The following PTER variants were observed in gnomAD, a reference collection of about 807,000 sequenced individuals.
PTER encodes phosphotriesterase related.
In PTER, 38 loss-of-function variants were observed where a neutral mutation model predicts 29.6. That is an observed-to-expected ratio of 1.28 (90% CI 0.99 to 1.68). The LOEUF (loss-of-function observed/expected upper bound fraction) is 1.68, where lower values mean the gene tolerates loss of function less well. PTER is among the 40% of genes most tolerant of loss of function. The pLI is 0.00. For synonymous variants in PTER, 172 were observed against 154.5 expected, an observed-to-expected ratio of 1.11 and a Z score of -0.84; for missense variants, 482 against 427.8, an observed-to-expected ratio of 1.13 and a Z score of -1.12.
intron 1 of PTER, among the ~76,000 whole-genome samples, chr10:16,465,015 C>T (rs570935488): frequency 6.6e-6 from 1 of 152,208 alleles, no homozygotes; most frequent in East Asian, 1.9e-4. Context: ...GAGACTTAAA[C>T]ACTATCACGA....
chr10:16,437,410 C>G (rs907986124), intron 1 of PTER: 10 of 151,532 alleles, frequency 6.6e-5, no homozygotes, highest in Admixed American at 4.6e-4. Context: ...GCGATCACAG[C>G]TCACTGCAGC....
chr10:16,500,540 A>G (rs542302178), intron 3 of PTER, among the ~76,000 whole-genome samples: 11 of 152,018 alleles, frequency 7.2e-5, no homozygotes, highest in East Asian at 3.9e-4. Flanking sequence ...GAGTGAGCCA[A>G]TGTGCCCGGC....
At chr10:16,501,370 T>G (rs10904754) in intron 3 of PTER, among the ~76,000 whole-genome samples, 1 of 39,548 alleles carries the variant, frequency 2.5e-5, no homozygotes, top group Non-Finnish European at 5.1e-5. Context: ...CACACACACA[T>G]GCACACACAC....
Position 16,484,459 on chromosome 10 carries a change from C to T in PTER, c.75C>T (p.Thr25=). 6.2e-7 allele frequency: 1 copy of T among 1,614,016 alleles called. No individual in the cohort carries two copies. The highest frequency in any genetic ancestry group is 8.5e-7 in the Non-Finnish European group (1 of 1,179,996). Residue 25 remains threonine, a synonymous_variant, in exon 2 of 5, where the codon ACC becomes ACT. Coordinates refer to ENST00000535784, the MANE Select transcript of PTER (RefSeq NM_001261836.2). ...VEPSKLGRTL[T]HEHLAMTFDC... Reference sequence around the variant, plus strand: ...CAAGCAAACTGGGCCGTACCCTGACCCATGAACACCTGGCCATGACCTTTG... The same window carrying T: ...CAAGCAAACTGGGCCGTACCCTGACTCATGAACACCTGGCCATGACCTTTG...
At chr10:16,456,862 T>TGGGG (rs10682284) in intron 1 of PTER, among the ~76,000 whole-genome samples, 5,606 of 112,648 alleles carry the variant, frequency 0.05, 248 homozygotes, top group Middle Eastern at 0.12. Flanking sequence ...ATGGGGAAGG[T>TGGGG]GGGGGGGGGT....
intron 1 of PTER, chr10:16,476,120 G>A (rs942728902): frequency 6.6e-6 from 1 of 152,168 alleles, no homozygotes; most frequent in Non-Finnish European, 1.5e-5. Flanking sequence ...GCCTCGCTCT[G>A]TTGCCCAGGC....
intron 1 of PTER, among the ~76,000 whole-genome samples, chr10:16,450,721 G>A (rs1293815349): frequency 5.3e-5 from 8 of 152,144 alleles, no homozygotes; most frequent in African/African-American, 9.7e-5. Flanking sequence ...GGAGCTGGAC[G>A]TTAGAATCCC....
chr10:16,509,230 G>A (rs768591106), intron 4 of PTER, among the ~76,000 whole-genome samples: 8 of 152,088 alleles, frequency 5.3e-5, no homozygotes, highest in East Asian at 1.9e-4. Flanking sequence ...TAAGCAGGAC[G>A]GGGCAGGTTT....
At chr10:16,441,818 A>C (rs1446261170) in intron 1 of PTER, among the ~76,000 whole-genome samples, 1 of 151,994 alleles carries the variant, frequency 6.6e-6, no homozygotes, top group Non-Finnish European at 1.5e-5. Context: ...TACATATTAA[A>C]TTCTCTGTTT....
rs181187059 is a variant in PTER at position 16,452,869 on chromosome 10, C to T, written c.-49+15822C>T. Among the ~76,000 whole-genome samples, 60 of 152,292 alleles carry T rather than the reference C, an allele frequency of 3.9e-4. 1 individual carries two copies. Among genetic ancestry groups the T allele is most frequent in the African/African-American group, 1.4e-3 (58 of 41,566 alleles). ...CCAGGTTCAAGTGATTCTCCTGCCT[C>T]AGCCTCCCAAGTGGGTGGGATTACA... On this transcript the variant is annotated intron_variant, in intron 1 of 4. Coordinates refer to ENST00000535784, the MANE Select transcript of PTER (RefSeq NM_001261836.2).
Position 16,484,420 on chromosome 10 carries a change from G to A in PTER, c.36G>A (p.Leu12=), listed in dbSNP as rs1182892436. 2 of 1,608,216 alleles carry A rather than the reference G, an allele frequency of 1.2e-6. No homozygotes were observed. The highest frequency in any genetic ancestry group is 2.2e-5 in the South Asian group (2 of 89,478). Residue 12 remains leucine, a synonymous_variant, in exon 2 of 5, where the codon TTG becomes TTA. Coordinates refer to ENST00000535784, the MANE Select transcript of PTER (RefSeq NM_001261836.2). ...SSLSGKVQTV[L]GLVEPSKLGR... ...TAAGTGGAAAAGTCCAAACCGTTTTGGGCCTTGTAGAGCCAAGCAAACTGG... is the reference window on the plus strand; with the variant it reads ...TAAGTGGAAAAGTCCAAACCGTTTTAGGCCTTGTAGAGCCAAGCAAACTGG...
intron 1 of PTER, among the ~76,000 whole-genome samples, chr10:16,451,206 T>C (rs1445042874): frequency 4.1e-5 from 4 of 97,560 alleles, no homozygotes; most frequent in Non-Finnish European, 7.6e-5. Context: ...TGCTCTGTCA[T>C]CTTCTCCTGC....
chr10:16,462,786 G>A (rs1834664845), intron 1 of PTER, among the ~76,000 whole-genome samples: 1 of 151,690 alleles, frequency 6.6e-6, no homozygotes, highest in African/African-American at 2.4e-5. Context: ...GGCCAGGCTG[G>A]TCTCAAACTC....
At chr10:16,479,411 G>A (rs1026889628) in intron 1 of PTER, among the ~76,000 whole-genome samples, 1 of 151,950 alleles carries the variant, frequency 6.6e-6, no homozygotes, top group African/African-American at 2.4e-5. Flanking sequence ...TCAGTGTCCA[G>A]GCCCAGGCTG....
chr10:16,471,373 G>A (rs570313829), intron 1 of PTER, among the ~76,000 whole-genome samples: 73 of 152,156 alleles, frequency 4.8e-4, no homozygotes, highest in African/African-American at 1.6e-3. Context: ...ATTTACACTA[G>A]TAACATTGAT....
Position 16,511,178 on chromosome 10 carries a change from G to C in PTER, c.972G>C (p.Met324Ile). The C allele has an allele frequency of 6.2e-7, 1 of 1,614,132 alleles. No homozygotes were observed. ...TACTCACCAATGTTGTTCCTAAAAT[G>C]TTGCTGAGAGGCATAACTGAGAATG... ...SHILTNVVPK[M>I]LLRGITENVL... Residue 324 changes from methionine to isoleucine, a missense_variant, in exon 5 of 5, where the codon ATG becomes ATC. Met to Ile is a conservative substitution (Grantham distance 10). Coordinates refer to ENST00000535784, the MANE Select transcript of PTER (RefSeq NM_001261836.2).
chr10:16,487,000 T>C (rs1220015969), intron 3 of PTER, among the ~76,000 whole-genome samples: 1 of 152,162 alleles, frequency 6.6e-6, no homozygotes, highest in Non-Finnish European at 1.5e-5. Flanking sequence ...AGTAATAAAG[T>C]TATCACACAT....
chr10:16,483,923 C>T (rs981307236), intron 1 of PTER, among the ~76,000 whole-genome samples: 3 of 152,062 alleles, frequency 2.0e-5, no homozygotes, highest in Non-Finnish European at 4.4e-5. Flanking sequence ...ACAAATGAAA[C>T]AGTACTGATA....
intron 3 of PTER, among the ~76,000 whole-genome samples, chr10:16,497,829 A>G (rs1368782648): frequency 6.6e-6 from 1 of 152,182 alleles, no homozygotes; most frequent in African/African-American, 2.4e-5. Context: ...TGAAAATAGA[A>G]TCACCTGTCT....
Sources: gnomAD v4.1 joint callset for allele counts (sites outside exome capture counted in the v4.1 genomes callset) on GRCh38, gnomAD v4.1.1 for gene constraint, MANE v1.5 for transcripts, NCBI Gene and HGNC (gene_info 2026-07-23, HGNC 2026-07-21) for gene names.